Variants in PDE7A observed in about 807,000 individuals in gnomAD.
The protein encoded by PDE7A is phosphodiesterase 7A.
Under a neutral mutation model 64.3 loss-of-function variants are expected in PDE7A, and 39 were observed. That is an observed-to-expected ratio of 0.61 (90% CI 0.47 to 0.79). The LOEUF is 0.79. Ranked by LOEUF, PDE7A falls within the 30% of genes least tolerant of loss-of-function variation. PDE7A has a pLI of 0.00. For missense variants in PDE7A, 470 were observed against 582.8 expected (o/e 0.81, Z 1.99); for synonymous variants, 203 against 206.8 (o/e 0.98, Z 0.16).
chr8:65,817,752 G>GTTT (rs145545830), intron 1 of PDE7A, among the ~76,000 whole-genome samples: 1 of 110,022 alleles, frequency 9.1e-6, no homozygotes. Context: ...ATCAAGGAGT[G>GTTT]TTTTTTTTTT....
chr8:65,797,205 T>A (rs888162347), intron 1 of PDE7A, among the ~76,000 whole-genome samples: 2 of 152,184 alleles, frequency 1.3e-5, no homozygotes, highest in African/African-American at 4.8e-5. Flanking sequence ...GTCAAAGTCC[T>A]AACCCCCAGG....
intron 1 of PDE7A, among the ~76,000 whole-genome samples, chr8:65,791,927 A>C (rs1411417170): frequency 4.0e-5 from 6 of 151,678 alleles, no homozygotes; most frequent in Non-Finnish European, 8.8e-5. Context: ...TATCTTGGTG[A>C]TTTATAATTA....
At chr8:65,814,024 G>C (rs1196937728) in intron 1 of PDE7A, among the ~76,000 whole-genome samples, 2 of 152,036 alleles carry the variant, frequency 1.3e-5, no homozygotes, top group Non-Finnish European at 2.9e-5. Flanking sequence ...AGCAACATTT[G>C]AGTGCAAACT....
intron 3 of PDE7A, among the ~76,000 whole-genome samples, chr8:65,758,462 T>C (rs1435551160): frequency 2.6e-5 from 4 of 152,174 alleles, no homozygotes; most frequent in African/African-American, 4.8e-5. Context: ...CAAGAATTTA[T>C]AGTCATATCA....
At chr8:65,787,193 T>C (rs755449084) in intron 1 of PDE7A, among the ~76,000 whole-genome samples, 64 of 152,218 alleles carry the variant, frequency 4.2e-4, no homozygotes, top group Non-Finnish European at 1.6e-4. Flanking sequence ...AGTGATAATA[T>C]ATTAACTAAC....
At chr8:65,774,793 CAAAG>C (rs1260837150) in intron 3 of PDE7A, among the ~76,000 whole-genome samples, 1 of 151,620 alleles carries the variant, frequency 6.6e-6, no homozygotes, top group African/African-American at 2.4e-5. Flanking sequence ...TTTTCCAAAA[CAAAG>C]AAAAATTTAA....
chr8:65,808,966 GA>G (rs1810176455), intron 1 of PDE7A, among the ~76,000 whole-genome samples: 1 of 152,074 alleles, frequency 6.6e-6, no homozygotes, highest in African/African-American at 2.4e-5. Flanking sequence ...TAATCGCTTT[GA>G]AAAAAATGTG....
At chr8:65,780,206 A>G (rs563278023) in intron 2 of PDE7A, among the ~76,000 whole-genome samples, 2 of 152,306 alleles carry the variant, frequency 1.3e-5, no homozygotes, top group East Asian at 3.9e-4. Context: ...AAAACTTTAG[A>G]AAGCTGCAGA....
chr8:65,836,515 T>C lies in PDE7A; in HGVS notation c.138+4856A>G, dbSNP rs967944956. Among the ~76,000 whole-genome samples, 3 of 152,332 alleles carry C rather than the reference T, an allele frequency of 2.0e-5. No individual in the cohort carries two copies. In the East Asian group the frequency reaches 5.8e-4, roughly 29 times the overall value. ...AGATCCTTTTGTGAATTTCAAAAGA[T>C]GTTCTTACCTTTTGACCCAACCTAG... On this transcript the variant is annotated intron_variant, in intron 1 of 12. Coordinates refer to ENST00000401827, the MANE Select transcript of PDE7A (RefSeq NM_001242318.3).
intron 5 of PDE7A, among the ~76,000 whole-genome samples, chr8:65,745,153 G>A (rs1380530745): frequency 6.6e-6 from 1 of 152,148 alleles, no homozygotes; most frequent in Non-Finnish European, 1.5e-5. Flanking sequence ...CATGTAAGAT[G>A]TGCCTTTCAC....
At chr8:65,773,222 G>A (rs898422059) in intron 3 of PDE7A, among the ~76,000 whole-genome samples, 1 of 152,048 alleles carries the variant, frequency 6.6e-6, no homozygotes, top group East Asian at 1.9e-4. Context: ...ATTCCAAGCT[G>A]TGTGATAAGC....
rs927502334 is a variant in PDE7A, at chr8:65,780,448, T to C, written c.200-645A>G. Reference sequence around the variant, plus strand: ...CCTTTAGCTGAGTCTTAAACTTTGGTCTTTGGAAGCTCAGTGTCGTTCCTA... The same window carrying C: ...CCTTTAGCTGAGTCTTAAACTTTGGCCTTTGGAAGCTCAGTGTCGTTCCTA... On this transcript the variant is annotated intron_variant, in intron 2 of 12. Coordinates refer to ENST00000401827, the MANE Select transcript of PDE7A (RefSeq NM_001242318.3). 4.6e-5 allele frequency among the ~76,000 whole-genome samples: 7 copies of C among 152,232 alleles called. No individual in the cohort carries two copies. The East Asian group carries it at 1.2e-3, about 25-fold the overall frequency.
At position 65,747,703 on chromosome 8, in the gene PDE7A, C is replaced by T. The variant is rs748733318; in HGVS notation, c.384G>A (p.Ala128=). The T allele has an allele frequency of 4.2e-5, 68 of 1,611,184 alleles. No homozygotes were observed. Among genetic ancestry groups the T allele is most frequent in the Admixed American group, 6.7e-5 (4 of 59,880 alleles). ...LRSSRFFRGT[A]VSNSLNILDD... The stretch of plus-strand genomic sequence containing the variant: ...CTAAAATGTTTAGGGAATTTGAAAC[C>T]GCAGTACCACGAAAAAAGCGTGAAG... The change falls in exon 4 of 13, where the codon GCG becomes GCA. Residue 128 remains alanine (A), a synonymous_variant. Coordinates refer to ENST00000401827, the MANE Select transcript of PDE7A (RefSeq NM_001242318.3).
chr8:65,739,630 G>A, intron 5 of PDE7A, 33 bp from the exon 6 acceptor site: 2 of 1,454,562 alleles, frequency 1.4e-6, no homozygotes, highest in Non-Finnish European at 1.8e-6. Context: ...ACATTAGTAG[G>A]AAATACAAGT....
chr8:65,816,568 G>A (rs1810408787), intron 1 of PDE7A, among the ~76,000 whole-genome samples: 1 of 152,102 alleles, frequency 6.6e-6, no homozygotes, highest in African/African-American at 2.4e-5. Context: ...TCTTTCTGTA[G>A]GAATGTATTT....
intron 3 of PDE7A, among the ~76,000 whole-genome samples, chr8:65,750,971 G>T (rs1239964955): frequency 2.0e-5 from 3 of 152,122 alleles, no homozygotes; most frequent in Non-Finnish European, 4.4e-5. Flanking sequence ...ATCTCATAAA[G>T]AAACCTACAT....
intron 1 of PDE7A, among the ~76,000 whole-genome samples, chr8:65,822,345 T>C (rs894803725): frequency 1.3e-5 from 2 of 152,244 alleles, no homozygotes; most frequent in Middle Eastern, 3.4e-3. Context: ...TATGGTATTT[T>C]AGAACAGAAA....
At position 65,803,595 on chromosome 8, in the gene PDE7A, G is replaced by A. The variant is rs189571966; in HGVS notation, c.139-20752C>T. Among the ~76,000 whole-genome samples, 12 of 152,248 alleles carry A rather than the reference G, an allele frequency of 7.9e-5. No individual in the cohort carries two copies. In the East Asian group the frequency reaches 2.3e-3, roughly 29 times the overall value. ...GGTGGTGTTTAATCTTTTGAAGAAT[G>A]ACAAACCCCTTTTAATGGCAAAATA... On this transcript the variant is annotated intron_variant, in intron 1 of 12. Transcript: ENST00000401827.
chr8:65,780,082 G>A (rs1027663890), intron 2 of PDE7A, among the ~76,000 whole-genome samples: 3 of 151,422 alleles, frequency 2.0e-5, no homozygotes, highest in Non-Finnish European at 4.4e-5. Flanking sequence ...GAGGATTCAA[G>A]TGTATGATAA....
Sources: allele counts gnomAD v4.1 joint callset (sites outside exome capture counted in the v4.1 genomes callset), GRCh38; gene constraint gnomAD v4.1.1; transcripts MANE v1.5; gene names NCBI Gene and HGNC (gene_info 2026-07-23, HGNC 2026-07-21).